The following ITIH5 variants were observed in gnomAD, a reference collection of about 807,000 sequenced individuals.
ITIH5 encodes inter-alpha-trypsin inhibitor heavy chain H5.
ITIH5 carries 65 observed loss-of-function variants against 77.5 expected under a neutral mutation model. That is an observed-to-expected ratio of 0.84 (90% confidence interval 0.69 to 1.03). ITIH5 has a LOEUF of 1.03. ITIH5 is among the 50% of genes least tolerant of loss of function. The pLI, the probability that ITIH5 is intolerant of heterozygous loss-of-function variation, is 0.00. For synonymous variants in ITIH5, 525 were observed against 494.3 expected (o/e 1.06, Z -0.82); for missense variants, 1,208 against 1,213.1 (o/e 1.00, Z 0.06).
intron 10 of ITIH5, among the ~76,000 whole-genome samples, chr10:7,574,241 G>T (rs1245135744): frequency 6.6e-6 from 1 of 152,124 alleles, no homozygotes; most frequent in African/African-American, 2.4e-5. Flanking sequence ...AGGTAAAATT[G>T]TGCTCCTCTT....
chr10:7,590,200 G>GCGGA lies in ITIH5; in HGVS notation c.940-4132_940-4131insTCCG, dbSNP rs1406139702. 2.0e-4 allele frequency among the ~76,000 whole-genome samples: 31 copies of GCGGA among 152,220 alleles called. No homozygotes were observed. In the East Asian group the frequency reaches 3.9e-3, roughly 19 times the overall value. ...CTCTCCTCGCTGCTCTCTGTCCCGGGACAGAGGACACTGCAACCTTCACCC... is the reference window on the plus strand; with the variant it reads ...CTCTCCTCGCTGCTCTCTGTCCCGGGCGGAACAGAGGACACTGCAACCTTCACCC... On this transcript the variant is annotated intron_variant, in intron 7 of 13. Transcript: ENST00000397146.
At chr10:7,660,683 G>A (rs1170669332) in intron 1 of ITIH5, among the ~76,000 whole-genome samples, 1 of 152,218 alleles carries the variant, frequency 6.6e-6, no homozygotes, top group East Asian at 1.9e-4. Context: ...GACTGAGGGA[G>A]GAAGAGAGAT....
intron 7 of ITIH5, among the ~76,000 whole-genome samples, chr10:7,593,818 A>G (rs551437486): frequency 7.6e-6 from 1 of 131,888 alleles, no homozygotes. Context: ...CAGCCACCCA[A>G]CCTCATTCAC....
At chr10:7,619,748 G>A (rs1408525596) in intron 5 of ITIH5, 6 of 175,944 alleles carry the variant, frequency 3.4e-5, no homozygotes, top group Non-Finnish European at 7.7e-5. Context: ...AGAACAGCAA[G>A]GGGGAAATTC....
At chr10:7,625,731 C>T (rs140942226) in intron 5 of ITIH5, among the ~76,000 whole-genome samples, 1 of 150,672 alleles carries the variant, frequency 6.6e-6, no homozygotes, top group African/African-American at 2.4e-5. Flanking sequence ...CACCACTGCA[C>T]TCTTGCCTGG....
intron 5 of ITIH5, among the ~76,000 whole-genome samples, chr10:7,627,798 A>G (rs1009030882): frequency 6.7e-6 from 1 of 148,514 alleles, no homozygotes; most frequent in Non-Finnish European, 1.5e-5. Context: ...ACAAAAGTCA[A>G]GGTGAATCTC....
intron 3 of ITIH5, among the ~76,000 whole-genome samples, chr10:7,641,408 A>G (rs959715639): frequency 5.5e-4 from 84 of 151,750 alleles, no homozygotes; most frequent in Middle Eastern, 3.4e-3. Context: ...TTCTTTGTTC[A>G]TTTATCTATT....
chr10:7,646,129 C>T (rs902719435), intron 2 of ITIH5, among the ~76,000 whole-genome samples: 5 of 152,086 alleles, frequency 3.3e-5, no homozygotes, highest in Non-Finnish European at 7.3e-5. Context: ...TGTGAATTTG[C>T]GAAGCATCTA....
intron 1 of ITIH5, among the ~76,000 whole-genome samples, chr10:7,662,446 A>G (rs1263219892): frequency 2.0e-5 from 3 of 151,950 alleles, no homozygotes; most frequent in Non-Finnish European, 4.4e-5. Context: ...GTGGTTCAGA[A>G]CCCTCCTCCT....
intron 13 of ITIH5, among the ~76,000 whole-genome samples, chr10:7,565,713 ATAT>A (rs1564231249): frequency 6.7e-6 from 1 of 148,984 alleles, no homozygotes; most frequent in African/African-American, 2.4e-5. Context: ...TATATAATAT[ATAT>A]TATGTATTTA....
intron 1 of ITIH5, among the ~76,000 whole-genome samples, chr10:7,666,010 C>A (rs1466561021): frequency 1.3e-5 from 2 of 152,230 alleles, no homozygotes; most frequent in Non-Finnish European, 2.9e-5. Context: ...CTTCCTCCCA[C>A]CGTGCACAAA....
intron 12 of ITIH5, among the ~76,000 whole-genome samples, chr10:7,567,524 T>C (rs921345288): frequency 2.7e-5 from 4 of 148,338 alleles, no homozygotes; most frequent in African/African-American, 9.9e-5. Flanking sequence ...GTATGTGATG[T>C]TCCCCACCCT....
At chr10:7,623,832 A>G (rs1833514860) in intron 5 of ITIH5, among the ~76,000 whole-genome samples, 1 of 150,880 alleles carries the variant, frequency 6.6e-6, no homozygotes. Context: ...AAATACCTTC[A>G]TAAGTCTCTT....
chr10:7,568,546 A>T (rs1279483926), intron 12 of ITIH5, among the ~76,000 whole-genome samples: 1 of 151,836 alleles, frequency 6.6e-6, no homozygotes. Flanking sequence ...TTTGGCTCTG[A>T]GGCTATAAAG....
chr10:7,624,794 A>T (rs1267251268), intron 5 of ITIH5, among the ~76,000 whole-genome samples: 343 of 32,814 alleles, frequency 0.01, 16 homozygotes, highest in Middle Eastern at 0.034. Context: ...TAAAAAAAAA[A>T]AAAAATATAT....
chr10:7,576,296 T>C (rs548853330), intron 10 of ITIH5, among the ~76,000 whole-genome samples, 157 bp downstream of exon 10: 1 of 152,312 alleles, frequency 6.6e-6, no homozygotes, highest in Admixed American at 6.5e-5. Context: ...AGTGCTGGGA[T>C]TACAGGTGTG....
Position 7,624,794 on chromosome 10 carries a change from A to ATATAT in ITIH5, c.653-7513_653-7512insATATA, listed in dbSNP as rs1226558745. On this transcript the variant is annotated intron_variant, in intron 5 of 13. Coordinates refer to ENST00000397146, the MANE Select transcript of ITIH5 (RefSeq NM_030569.7). ...GAGTGAGACTCTGCCTAAAAAAAAA[A>ATATAT]AAAAATATATATATATATACACATA... is the stretch of plus-strand genomic sequence containing the variant. Among the ~76,000 whole-genome samples, 3 of 32,830 alleles carry ATATAT rather than the reference A, an allele frequency of 9.1e-5. No individual in the cohort carries two copies. In the Admixed American group the frequency reaches 1.2e-3, roughly 13 times the overall value. 21.5% of individuals were successfully genotyped at this position (32,830 alleles called of 152,430 possible). A position where few individuals can be genotyped will look rare whatever the true frequency, so the allele number is the denominator to read the frequency against.
intron 10 of ITIH5, among the ~76,000 whole-genome samples, chr10:7,575,198 C>T (rs1305937668): frequency 6.6e-6 from 1 of 152,188 alleles, no homozygotes; most frequent in Non-Finnish European, 1.5e-5. Flanking sequence ...TGTGTGCCCA[C>T]GGCATTCCAT....
At chr10:7,663,585 C>T (rs938733567) in intron 1 of ITIH5, among the ~76,000 whole-genome samples, 5 of 152,064 alleles carry the variant, frequency 3.3e-5, no homozygotes, top group Non-Finnish European at 5.9e-5. Context: ...CATTTTAGCA[C>T]CTAATTTTGT....
Sources: allele counts gnomAD v4.1 joint callset (sites outside exome capture counted in the v4.1 genomes callset), GRCh38; gene constraint gnomAD v4.1.1; transcripts MANE v1.5; gene names NCBI Gene and HGNC (gene_info 2026-07-23, HGNC 2026-07-21).